The following NRXN3 variants were observed in gnomAD, a reference collection of about 807,000 sequenced individuals.
NRXN3 encodes neurexin III.
Under a neutral mutation model 137.6 loss-of-function variants are expected in NRXN3, and 32 were observed. The ratio of observed to expected loss-of-function variants is 0.23; its 90% CI spans 0.18 to 0.31. The LOEUF (loss-of-function observed/expected upper bound fraction) is 0.31, where lower values mean the gene tolerates loss of function less well. Among genes scored for constraint, NRXN3 ranks in the 10% least tolerant of loss-of-function variants. NRXN3 has a pLI of 1.00. For synonymous variants in NRXN3, 798 were observed against 784.5 expected (o/e 1.02, Z -0.29); for missense variants, 1,574 against 2,062.5 (o/e 0.76, Z 4.59).
At chr14:79,630,269 C>G (rs1035834126) in intron 16 of NRXN3, among the ~76,000 whole-genome samples, 16 of 152,206 alleles carry the variant, frequency 1.1e-4, no homozygotes, top group Admixed American at 1.0e-3. Context: ...TTCTTGCATA[C>G]TTGCCCCCCT....
At chr14:78,583,809 A>T (rs1335032313) in intron 4 of NRXN3, among the ~76,000 whole-genome samples, 1 of 152,112 alleles carries the variant, frequency 6.6e-6, no homozygotes, top group East Asian at 1.9e-4. Context: ...ACTCTCTAGG[A>T]CAGTATTTTC....
chr14:78,617,431 T>G (rs2097357613), intron 4 of NRXN3, among the ~76,000 whole-genome samples: 1 of 152,196 alleles, frequency 6.6e-6, no homozygotes, highest in African/African-American at 2.4e-5. Flanking sequence ...AGGCTTTCCA[T>G]GGCTGGGGCT....
intron 4 of NRXN3, among the ~76,000 whole-genome samples, chr14:78,518,535 C>T (rs992364806): frequency 2.0e-5 from 3 of 152,088 alleles, no homozygotes; most frequent in African/African-American, 4.8e-5. Context: ...AGTGTCTCTC[C>T]ATGAACTGTC....
chr14:78,370,913 A>C (rs573532860), intron 4 of NRXN3, among the ~76,000 whole-genome samples: 1 of 152,354 alleles, frequency 6.6e-6, no homozygotes, highest in South Asian at 2.1e-4. Context: ...GAATTAATTC[A>C]TCAAACTACA....
chr14:79,067,879 A>C (rs1568175767), intron 15 of NRXN3, among the ~76,000 whole-genome samples: 1 of 152,036 alleles, frequency 6.6e-6, no homozygotes, highest in African/African-American at 2.4e-5. Context: ...CCTTAACATG[A>C]AGTGATAAAA....
intron 15 of NRXN3, among the ~76,000 whole-genome samples, chr14:79,041,414 T>C (rs1171147239): frequency 6.6e-6 from 1 of 152,182 alleles, no homozygotes; most frequent in Non-Finnish European, 1.5e-5. Context: ...ATAATTAGAA[T>C]GGATAACCAC....
At chr14:78,656,934 C>CT (rs1450277156) in intron 6 of NRXN3, among the ~76,000 whole-genome samples, 8 of 149,612 alleles carry the variant, frequency 5.3e-5, no homozygotes, top group Admixed American at 2.0e-4. Flanking sequence ...GTAGTCCCAG[C>CT]TACTTGAGAG....
At chr14:79,688,523 C>T (rs982160998) in intron 17 of NRXN3, among the ~76,000 whole-genome samples, 10 of 152,076 alleles carry the variant, frequency 6.6e-5, no homozygotes, top group Non-Finnish European at 1.5e-4. Flanking sequence ...AATTGTATTC[C>T]TTGGAGACTG....
At chr14:78,527,425 A>T (rs773100281) in intron 4 of NRXN3, among the ~76,000 whole-genome samples, 1 of 152,192 alleles carries the variant, frequency 6.6e-6, no homozygotes, top group Non-Finnish European at 1.5e-5. Flanking sequence ...CTTGCTACAC[A>T]GTACCAAGGA....
intron 10 of NRXN3, among the ~76,000 whole-genome samples, chr14:78,885,225 T>TA (rs2099140241): frequency 6.7e-6 from 1 of 149,886 alleles, no homozygotes; most frequent in Admixed American, 6.7e-5. Flanking sequence ...ATAAATTACA[T>TA]ATGTAAAAAG....
intron 4 of NRXN3, among the ~76,000 whole-genome samples, chr14:78,460,802 A>G (rs914205474): frequency 1.2e-5 from 1 of 86,470 alleles, no homozygotes; most frequent in Non-Finnish European, 3.2e-5. Context: ...GTGGTCTATG[A>G]TATTGGGATT....
At chr14:79,461,972 TTATC>T (rs2096349877) in intron 15 of NRXN3, among the ~76,000 whole-genome samples, 1 of 152,234 alleles carries the variant, frequency 6.6e-6, no homozygotes, top group African/African-American at 2.4e-5. Context: ...TCATCCTAGT[TTATC>T]TATCATGTAC....
chr14:78,629,191 T>A (rs17757034), intron 4 of NRXN3, among the ~76,000 whole-genome samples: 7,685 of 152,298 alleles, frequency 0.05, 257 homozygotes, highest in Middle Eastern at 0.15. Flanking sequence ...TGATGCTTAC[T>A]GTTTAAGGTT....
At chr14:79,103,433 G>A (rs943615862) in intron 15 of NRXN3, among the ~76,000 whole-genome samples, 6 of 152,148 alleles carry the variant, frequency 3.9e-5, no homozygotes, top group South Asian at 4.1e-4. Context: ...ATTAGAGACA[G>A]GAACAACACG....
intron 16 of NRXN3, among the ~76,000 whole-genome samples, chr14:79,478,006 A>G (rs941197250): frequency 1.3e-5 from 2 of 151,936 alleles, no homozygotes; most frequent in Non-Finnish European, 2.9e-5. Flanking sequence ...AGGCTATTGA[A>G]ATTTCCAATT....
At chr14:79,779,393 G>C (rs555049306) in intron 19 of NRXN3, among the ~76,000 whole-genome samples, 2 of 152,164 alleles carry the variant, frequency 1.3e-5, no homozygotes, top group East Asian at 3.9e-4. Flanking sequence ...GATTACAGGC[G>C]TGAGCCACCA....
At chr14:78,259,547 G>A (rs968829687) in intron 2 of NRXN3, among the ~76,000 whole-genome samples, 11 of 150,412 alleles carry the variant, frequency 7.3e-5, no homozygotes, top group African/African-American at 2.8e-4. Flanking sequence ...GGCTGAAAGA[G>A]TGAGATGCCC....
intron 15 of NRXN3, among the ~76,000 whole-genome samples, chr14:79,077,408 CT>C (rs756416201): frequency 6.6e-6 from 1 of 152,094 alleles, no homozygotes; most frequent in East Asian, 1.9e-4. Context: ...TCTAGTTTTC[CT>C]TTTTTTCCTC....
chr14:79,852,201 A>G (rs552458212), intron 20 of NRXN3, among the ~76,000 whole-genome samples: 38 of 149,262 alleles, frequency 2.5e-4, no homozygotes, highest in African/African-American at 8.4e-4. Flanking sequence ...TTTGATTCCA[A>G]TTCCTGTCAA....
Sources: gnomAD v4.1 joint callset for allele counts (sites outside exome capture counted in the v4.1 genomes callset) on GRCh38, gnomAD v4.1.1 for gene constraint, MANE v1.5 for transcripts, NCBI Gene and HGNC (gene_info 2026-07-23, HGNC 2026-07-21) for gene names.